Variants in CENPK observed in about 807,000 individuals in gnomAD.
CENPK encodes centromere protein K.
In CENPK, 46 loss-of-function variants were observed where a neutral mutation model predicts 40.9. The ratio of observed to expected loss-of-function variants is 1.13; its 90% CI spans 0.89 to 1.44. The LOEUF (loss-of-function observed/expected upper bound fraction) is 1.44, where lower values mean the gene tolerates loss of function less well. CENPK is among the 40% of genes most tolerant of loss of function. The probability of loss-of-function intolerance (pLI) is 0.00; values close to 1 mark genes in which losing one functional copy is unlikely to be tolerated. For missense variants in CENPK, 288 were observed against 303.5 expected, an observed-to-expected ratio of 0.95 and a Z score of 0.38; for synonymous variants, 107 against 104.4, an observed-to-expected ratio of 1.02 and a Z score of -0.15.
chr5:65,537,964 ACT>A (rs1747262609), intron 6 of CENPK, among the ~76,000 whole-genome samples: 1 of 151,990 alleles, frequency 6.6e-6, no homozygotes, highest in African/African-American at 2.4e-5. Flanking sequence ...ACATAGAGTT[ACT>A]CTTTTACCTT....
intron 2 of CENPK, among the ~76,000 whole-genome samples, chr5:65,556,224 A>G (rs554061689): frequency 1.7e-4 from 26 of 152,340 alleles, no homozygotes; most frequent in African/African-American, 2.2e-4. Context: ...TGTAATCACA[A>G]CACTTTGGGA....
At chr5:65,549,077 G>C (rs1290041685) in intron 5 of CENPK, among the ~76,000 whole-genome samples, 1 of 152,110 alleles carries the variant, frequency 6.6e-6, no homozygotes, top group African/African-American at 2.4e-5. Context: ...CTTCAGTTGA[G>C]GTGGCTTCTT....
chr5:65,497,602 G>T, the CENPK span, among the ~76,000 whole-genome samples: 1 of 152,094 alleles, frequency 6.6e-6, no homozygotes, highest in Admixed American at 6.5e-5. Context: ...TAAGTTCCCC[G>T]GTCCACACCT....
At chr5:65,510,596 G>A in the CENPK span, among the ~76,000 whole-genome samples, 30,063 of 151,878 alleles carry the variant, frequency 0.2, 3,500 homozygotes, top group South Asian at 0.32. Flanking sequence ...CTAACATGGT[G>A]AGACCCCGTT....
intron 9 of CENPK, among the ~76,000 whole-genome samples, chr5:65,527,854 G>A (rs1745003718): frequency 6.6e-6 from 1 of 151,986 alleles, no homozygotes; most frequent in Non-Finnish European, 1.5e-5. Flanking sequence ...ACAATAAGTT[G>A]TATTTCATTA....
At chr5:65,526,544 A>T (rs917359560) in intron 9 of CENPK, among the ~76,000 whole-genome samples, 1 of 152,248 alleles carries the variant, frequency 6.6e-6, no homozygotes, top group Admixed American at 6.5e-5. Context: ...TATATAAAAG[A>T]TATGCAAGAT....
At chr5:65,502,535 A>G in the CENPK span, among the ~76,000 whole-genome samples, 1 of 152,194 alleles carries the variant, frequency 6.6e-6, no homozygotes, top group African/African-American at 2.4e-5. Flanking sequence ...CAAAATATTT[A>G]TTCTCTAATA....
chr5:65,529,792 CCTTTT>C (rs1210900627), intron 6 of CENPK: 3 of 147,466 alleles, frequency 2.0e-5, no homozygotes, highest in African/African-American at 5.0e-5. Flanking sequence ...GGCCCAGGTA[CCTTTT>C]CTTTTATTTT....
At chr5:65,511,151 T>C in the CENPK span, among the ~76,000 whole-genome samples, 1 of 152,168 alleles carries the variant, frequency 6.6e-6, no homozygotes, top group African/African-American at 2.4e-5. Flanking sequence ...TTTAATTCTA[T>C]GAAGGTTGAG....
At chr5:65,528,833 T>C in intron 8 of CENPK, 86 bp downstream of exon 8, 1 of 950,800 alleles carries the variant, frequency 1.1e-6, no homozygotes, top group Non-Finnish European at 1.6e-6. Flanking sequence ...TGATTCCTGG[T>C]AACATTTAAC....
At chr5:65,521,068 T>C (rs1743642191) in intron 10 of CENPK, among the ~76,000 whole-genome samples, 1 of 152,148 alleles carries the variant, frequency 6.6e-6, no homozygotes, top group African/African-American at 2.4e-5. Flanking sequence ...AAAGAATCTT[T>C]AAGTTCATTA....
downstream of CENPK, among the ~76,000 whole-genome samples, chr5:65,517,281 A>C (rs1742929967): frequency 6.6e-6 from 1 of 152,138 alleles, no homozygotes. Context: ...GCAAACACCA[A>C]AAGTGTTTTG....
chr5:65,513,499 A>G (rs1034052918), downstream of CENPK, among the ~76,000 whole-genome samples: 1 of 152,090 alleles, frequency 6.6e-6, no homozygotes, highest in Non-Finnish European at 1.5e-5. Context: ...TTCCATATAG[A>G]TCTTGTACAA....
At chr5:65,509,061 A>T in the CENPK span, among the ~76,000 whole-genome samples, 2 of 152,200 alleles carry the variant, frequency 1.3e-5, no homozygotes. Context: ...TTAAAACTCA[A>T]TAAGAGTACC....
chr5:65,521,640 G>A (rs760637301), intron 9 of CENPK, 112 bp from the exon 10 acceptor site: 152 of 766,276 alleles, frequency 2.0e-4, no homozygotes, highest in Middle Eastern at 3.3e-4. Context: ...CATTCTTGGC[G>A]CCCAGGCTGG....
chr5:65,514,065 G>A (rs1383707162), downstream of CENPK, among the ~76,000 whole-genome samples: 1 of 151,994 alleles, frequency 6.6e-6, no homozygotes. Flanking sequence ...AATGCCACCT[G>A]ACTGTGGTGT....
At chr5:65,549,041 C>T (rs1032030018) in intron 5 of CENPK, among the ~76,000 whole-genome samples, 3 of 152,152 alleles carry the variant, frequency 2.0e-5, no homozygotes, top group Non-Finnish European at 4.4e-5. Context: ...TATAGCCTTA[C>T]GAAGTGTATT....
At chr5:65,538,179 T>G (rs189016715) in intron 6 of CENPK, among the ~76,000 whole-genome samples, 1 of 152,188 alleles carries the variant, frequency 6.6e-6, no homozygotes, top group Admixed American at 6.5e-5. Context: ...TCTTATCCTG[T>G]GGATGGTATT....
intron 3 of CENPK, among the ~76,000 whole-genome samples, chr5:65,554,223 C>T (rs1297494188): frequency 2.0e-5 from 3 of 151,548 alleles, no homozygotes; most frequent in African/African-American, 7.3e-5. Flanking sequence ...CTCACTGCAA[C>T]ATCCGCCTCC....
Sources: allele counts gnomAD v4.1 joint callset (sites outside exome capture counted in the v4.1 genomes callset), GRCh38; gene constraint gnomAD v4.1.1; transcripts MANE v1.5; gene names NCBI Gene and HGNC (gene_info 2026-07-23, HGNC 2026-07-21).